The following DGKB variants were observed in gnomAD, a reference collection of about 807,000 sequenced individuals.
DGKB encodes the protein diacylglycerol kinase beta.
In DGKB, 67 loss-of-function variants were observed where a neutral mutation model predicts 114.3. The observed-to-expected ratio is 0.59, with a 90% confidence interval of 0.48 to 0.72. DGKB has a LOEUF of 0.72. Among genes scored for constraint, DGKB ranks in the 30% least tolerant of loss-of-function variants. DGKB has a pLI of 0.00. For synonymous variants in DGKB, 398 were observed against 323.1 expected (o/e 1.23, Z -2.49); for missense variants, 907 against 975.2 (o/e 0.93, Z 0.93).
chr7:14,700,336 C>T (rs553701656), intron 7 of DGKB, among the ~76,000 whole-genome samples: 47 of 151,978 alleles, frequency 3.1e-4, no homozygotes, highest in African/African-American at 8.4e-4. Context: ...GCCTCAGCCT[C>T]CCAAGTAGCT....
chr7:14,816,544 G>C lies in DGKB; in HGVS notation c.70+24650C>G, dbSNP rs1189641540. 4 of 152,232 alleles carry C rather than the reference G, an allele frequency of 2.6e-5. No individual in the cohort carries two copies. In the South Asian group the frequency reaches 6.2e-4, roughly 24 times the overall value. 9.4% of individuals were successfully genotyped at this position (152,232 alleles called of 1,614,324 possible). On this transcript the variant is annotated intron_variant, in intron 2 of 25. Coordinates refer to ENST00000402815, the MANE Select transcript of DGKB (RefSeq NM_001350709.2). ...CTCATCAGAATAGCAAGTGAATAAAGAGCATGGATTATGGAATCAGACCAG... is the reference window on the plus strand; with the variant it reads ...CTCATCAGAATAGCAAGTGAATAAACAGCATGGATTATGGAATCAGACCAG...
chr7:14,744,348 T>C lies in DGKB; in HGVS notation c.169-8154A>G, dbSNP rs1016365210. Among the ~76,000 whole-genome samples, 5 of 152,198 alleles carry C rather than the reference T, an allele frequency of 3.3e-5. No homozygotes were observed. The East Asian group carries it at 5.8e-4, about 18-fold the overall frequency. On this transcript the variant is annotated intron_variant, in intron 4 of 25. Transcript: ENST00000402815. ...TACCAAGGCTTTGACTGGAGAGGTG[T>C]ACTTCCTTTTAAGGAATCAAGCTTG...
intron 24 of DGKB, among the ~76,000 whole-genome samples, chr7:14,177,431 C>A (rs1781930078): frequency 6.6e-6 from 1 of 151,672 alleles, no homozygotes; most frequent in Non-Finnish European, 1.5e-5. Flanking sequence ...TGGCGGGTGC[C>A]TGTAATCCCA....
intron 5 of DGKB, among the ~76,000 whole-genome samples, chr7:14,719,986 C>T (rs1828867247): frequency 6.6e-6 from 1 of 152,152 alleles, no homozygotes; most frequent in African/African-American, 2.4e-5. Context: ...ACCAGCAAGA[C>T]AAATCCATCT....
At chr7:14,778,411 T>G (rs954299445) in intron 2 of DGKB, among the ~76,000 whole-genome samples, 1 of 152,114 alleles carries the variant, frequency 6.6e-6, no homozygotes, top group Non-Finnish European at 1.5e-5. Flanking sequence ...GTCATTTTTA[T>G]GTGCTACACG....
intron 2 of DGKB, among the ~76,000 whole-genome samples, chr7:14,809,103 T>TAC (rs781531838): frequency 1.3e-5 from 2 of 152,142 alleles, no homozygotes; most frequent in African/African-American, 2.4e-5. Flanking sequence ...GTATTATCTT[T>TAC]ACAGCTACTG....
intron 20 of DGKB, among the ~76,000 whole-genome samples, chr7:14,531,450 C>T (rs1791570831): frequency 2.0e-5 from 3 of 151,216 alleles, no homozygotes; most frequent in Admixed American, 6.6e-5. Context: ...AATTATTCCA[C>T]GTATGGTAGT....
chr7:14,332,701 T>C (rs1456741023), intron 23 of DGKB, among the ~76,000 whole-genome samples: 1 of 152,136 alleles, frequency 6.6e-6, no homozygotes, highest in Non-Finnish European at 1.5e-5. Flanking sequence ...CCATTAAACT[T>C]TTAAAACATT....
At chr7:14,401,963 TACACACACAC>T (rs68097407) in intron 21 of DGKB, among the ~76,000 whole-genome samples, 4 of 148,328 alleles carry the variant, frequency 2.7e-5, no homozygotes, top group African/African-American at 9.8e-5. Flanking sequence ...CAATAATTTG[TACACACACAC>T]ACACACACAC....
At chr7:14,432,926 C>G (rs1442572896) in intron 21 of DGKB, among the ~76,000 whole-genome samples, 1 of 152,042 alleles carries the variant, frequency 6.6e-6, no homozygotes, top group Non-Finnish European at 1.5e-5. Flanking sequence ...GGCCTAGAAA[C>G]CTAGGGAAGA....
intron 1 of DGKB, among the ~76,000 whole-genome samples, chr7:14,943,382 G>A (rs1389915155): frequency 6.6e-6 from 1 of 151,646 alleles, no homozygotes; most frequent in Non-Finnish European, 1.5e-5. Context: ...TAAAACAAAC[G>A]AAGTGTACAA....
At chr7:14,243,469 T>A (rs1793978741) in intron 23 of DGKB, among the ~76,000 whole-genome samples, 1 of 152,224 alleles carries the variant, frequency 6.6e-6, no homozygotes, top group Non-Finnish European at 1.5e-5. Context: ...TGATAATGAA[T>A]AACTAATTCA....
chr7:14,894,198 A>G (rs1359437455), intron 1 of DGKB, among the ~76,000 whole-genome samples: 1 of 151,388 alleles, frequency 6.6e-6, no homozygotes, highest in East Asian at 1.9e-4. Context: ...AAAATAAAAA[A>G]CTGTTCAACT....
At chr7:14,655,621 T>A (rs1000787705) in intron 13 of DGKB, among the ~76,000 whole-genome samples, 2 of 151,774 alleles carry the variant, frequency 1.3e-5, no homozygotes, top group Admixed American at 6.6e-5. Context: ...ATAGCCAAGA[T>A]GTGATATCAA....
At chr7:14,869,547 T>C (rs981498584) in intron 1 of DGKB, among the ~76,000 whole-genome samples, 4 of 152,150 alleles carry the variant, frequency 2.6e-5, no homozygotes, top group African/African-American at 9.6e-5. Flanking sequence ...AAAAATAAAA[T>C]AATTCATATC....
chr7:14,616,888 G>C lies in DGKB; in HGVS notation c.1285-3475C>G, dbSNP rs1430477602. 6.6e-5 allele frequency among the ~76,000 whole-genome samples: 10 copies of C among 151,818 alleles called. No individual in the cohort carries two copies. The Admixed American group carries it at 6.6e-4, about 10-fold the overall frequency. ...GAAAGATTTTATAGCATCTGTGGTA[G>C]TTGAAATCTTGAAGAATGGTTATAA... On this transcript the variant is annotated intron_variant, in intron 15 of 25. Transcript: ENST00000402815.
intron 13 of DGKB, among the ~76,000 whole-genome samples, chr7:14,650,112 C>T (rs1171890515): frequency 1.3e-5 from 2 of 149,134 alleles, no homozygotes; most frequent in Non-Finnish European, 1.5e-5. Flanking sequence ...ACAAGGATAC[C>T]CAGGAATTGA....
chr7:14,289,759 A>AG (rs1801450868), intron 23 of DGKB, among the ~76,000 whole-genome samples: 1 of 151,590 alleles, frequency 6.6e-6, no homozygotes, highest in East Asian at 1.9e-4. Context: ...AAAAAAAAAA[A>AG]AAAACACAAA....
intron 23 of DGKB, among the ~76,000 whole-genome samples, chr7:14,279,849 A>T (rs1201143138): frequency 2.0e-5 from 3 of 148,654 alleles, no homozygotes; most frequent in African/African-American, 7.4e-5. Flanking sequence ...CACAACAAAA[A>T]CCCATCTGTA....
Sources: allele counts gnomAD v4.1 joint callset (sites outside exome capture counted in the v4.1 genomes callset), GRCh38; gene constraint gnomAD v4.1.1; transcripts MANE v1.5; gene names NCBI Gene and HGNC (gene_info 2026-07-23, HGNC 2026-07-21).